The following RFC1 variants were observed in gnomAD, a reference collection of about 807,000 sequenced individuals.
RFC1 encodes A1 140 kDa subunit.
RFC1 carries 37 observed loss-of-function variants against 137.4 expected under a neutral mutation model. That is an observed-to-expected ratio of 0.27 (90% CI 0.21 to 0.35). RFC1 has a LOEUF of 0.35. RFC1 is among the 10% of genes least tolerant of loss of function. The pLI is 1.00. For synonymous variants in RFC1, 429 were observed against 455.7 expected (o/e 0.94, Z 0.75); for missense variants, 1,205 against 1,358.5 (o/e 0.89, Z 1.78).
At chr4:39,337,236 T>C (rs1740397832) in intron 4 of RFC1, among the ~76,000 whole-genome samples, 1 of 152,158 alleles carries the variant, frequency 6.6e-6, no homozygotes, top group South Asian at 2.1e-4. Context: ...TAGCCAGGCA[T>C]GGCGGTGCAC....
intron 10 of RFC1, among the ~76,000 whole-genome samples, chr4:39,313,200 A>T (rs1739054459): frequency 1.3e-5 from 2 of 152,204 alleles, no homozygotes; most frequent in African/African-American, 4.8e-5. Context: ...AAAATTACCC[A>T]TTCATACTAT....
At chr4:39,300,542 G>A (rs780112127) in intron 19 of RFC1, 128 bp from the exon 20 acceptor site, 12 of 687,928 alleles carry the variant, frequency 1.7e-5, no homozygotes, top group African/African-American at 9.0e-5. Context: ...AAACTGTACC[G>A]TTTGGTAGTT....
At chr4:39,347,147 T>C (rs147882979) in intron 2 of RFC1, among the ~76,000 whole-genome samples, 2 of 152,256 alleles carry the variant, frequency 1.3e-5, no homozygotes, top group Non-Finnish European at 2.9e-5. Flanking sequence ...TGAACCTGAC[T>C]GAACCACAAG....
Position 39,342,198 on chromosome 4 carries a change from A to G in RFC1, c.331+147T>C, listed in dbSNP as rs961993754. On this transcript the variant is annotated intron_variant, in intron 4 of 24. Coordinates refer to ENST00000349703, the MANE Select transcript of RFC1 (RefSeq NM_002913.5). Reference sequence around the variant, plus strand: ...TAATCTACTGGAAATGCAAAAGATGATCCCAGCCTTCCCTGACAAATATAA... The same window carrying G: ...TAATCTACTGGAAATGCAAAAGATGGTCCCAGCCTTCCCTGACAAATATAA... The G allele has an allele frequency of 6.3e-6, 6 of 945,240 alleles. No individual in the cohort carries two copies. The African/African-American group carries it at 8.3e-5, about 13-fold the overall frequency. 58.6% of individuals were successfully genotyped at this position (945,240 alleles called of 1,614,324 possible). A position where few individuals can be genotyped will look rare whatever the true frequency, so the allele number is the denominator to read the frequency against.
intron 5 of RFC1, 128 bp from the exon 6 acceptor site, chr4:39,326,768 T>G (rs1739790567): frequency 3.0e-6 from 2 of 670,108 alleles, no homozygotes; most frequent in East Asian, 5.6e-5. Context: ...ACAGCTGCAA[T>G]GTACACCAGC....
chr4:39,334,020 T>C (rs1456345080), intron 4 of RFC1, among the ~76,000 whole-genome samples: 1 of 152,026 alleles, frequency 6.6e-6, no homozygotes, highest in African/African-American at 2.4e-5. Flanking sequence ...AAGGTACGAG[T>C]AACTCTAGTA....
At chr4:39,326,474 T>G in intron 6 of RFC1, 89 bp downstream of exon 6, 1 of 947,574 alleles carries the variant, frequency 1.1e-6, no homozygotes. Flanking sequence ...TACATGTAAC[T>G]TCCAATGAGG....
Position 39,300,268 on chromosome 4 carries a change from T to C in RFC1, c.2682A>G (p.Val894=). 1.9e-6 allele frequency: 3 copies of C among 1,614,180 alleles called. No homozygotes were observed. The highest frequency in any genetic ancestry group is 2.5e-6 in the Non-Finnish European group (3 of 1,180,014). The change falls in exon 20 of 25, where the codon GTA becomes GTG. Residue 894 remains valine (V), a synonymous_variant. Transcript: ENST00000349703. ...VQENYIHVKP[V]AAGGDMKKHL... is the part of the protein sequence containing the mutation. ...CAGCTCTGGACACTCACCCTGCTGCTACAGGCTTCACGTGTATGTAATTTT... is the reference window on the plus strand; with the variant it reads ...CAGCTCTGGACACTCACCCTGCTGCCACAGGCTTCACGTGTATGTAATTTT...
intron 9 of RFC1, among the ~76,000 whole-genome samples, chr4:39,317,664 A>G (rs1739308325): frequency 6.6e-6 from 1 of 152,214 alleles, no homozygotes; most frequent in African/African-American, 2.4e-5. Context: ...GCATCCCTAG[A>G]TCCACCTCCA....
chr4:39,300,087 T>C lies in RFC1; in HGVS notation c.2742A>G (p.Ile914Met). The part of the protein sequence containing the change: ...LMLLSRAADS[I>M]CDGDLVDSQI... ...GGCTGTCCACTAGGTCACCATCGCA[T>C]ATGCTGTCTGCTGCTCTGCTTAAAA... The change falls in exon 21 of 25, where the codon ATA becomes ATG. Residue 914 changes from isoleucine (I) to methionine (M), a missense_variant. Physicochemically the swap from Ile to Met is conservative, Grantham distance 10. This residue lies in a region of RFC1 where 237 missense variants were observed against 304.2 expected (regional missense o/e 0.78). Coordinates refer to ENST00000349703, the MANE Select transcript of RFC1 (RefSeq NM_002913.5). The C allele has an allele frequency of 6.2e-7, 1 of 1,614,202 alleles. No homozygotes were observed. The highest frequency in any genetic ancestry group is 8.5e-7 in the Non-Finnish European group (1 of 1,180,022).
intron 10 of RFC1, among the ~76,000 whole-genome samples, chr4:39,315,842 GTA>G (rs1290391894): frequency 6.6e-6 from 1 of 152,178 alleles, no homozygotes; most frequent in Non-Finnish European, 1.5e-5. Context: ...TGATCTCTGT[GTA>G]GCTATTTCTG....
intron 19 of RFC1, among the ~76,000 whole-genome samples, chr4:39,301,489 T>C (rs1738359033): frequency 1.3e-5 from 2 of 152,074 alleles, no homozygotes. Context: ...TATACCACTG[T>C]GGTGGGGGAT....
chr4:39,348,424 A>AAAAAGAAGAG (rs1740977315), intron 2 of RFC1, among the ~76,000 whole-genome samples: 1 of 71,780 alleles, frequency 1.4e-5, no homozygotes, highest in Non-Finnish European at 3.0e-5. Flanking sequence ...CTCTGTTTCA[A>AAAAAGAAGAG]AAAAGAAAAG....
At chr4:39,322,820 A>G (rs1739586078) in intron 7 of RFC1, among the ~76,000 whole-genome samples, 1 of 151,758 alleles carries the variant, frequency 6.6e-6, no homozygotes, top group Non-Finnish European at 1.5e-5. Context: ...ATGGTAGCTC[A>G]CATCTATAAT....
intron 4 of RFC1, among the ~76,000 whole-genome samples, chr4:39,335,075 T>G (rs3821988): frequency 0.32 from 48,755 of 152,130 alleles, 8,034 homozygotes; most frequent in Non-Finnish European, 0.35. Context: ...TCTGTGATTT[T>G]ATTTTCTTTG....
At chr4:39,317,647 A>C (rs763122950) in intron 9 of RFC1, among the ~76,000 whole-genome samples, 1 of 152,228 alleles carries the variant, frequency 6.6e-6, no homozygotes, top group East Asian at 1.9e-4. Flanking sequence ...GAAACTTTTC[A>C]AACTATGCAT....
At chr4:39,353,977 T>A (rs1329213928) in intron 1 of RFC1, among the ~76,000 whole-genome samples, 1 of 152,220 alleles carries the variant, frequency 6.6e-6, no homozygotes, top group Non-Finnish European at 1.5e-5. Context: ...AACACTGATC[T>A]GTCTGGTTTT....
chr4:39,331,304 T>A (rs756659515), intron 4 of RFC1, among the ~76,000 whole-genome samples: 1 of 152,216 alleles, frequency 6.6e-6, no homozygotes, highest in Non-Finnish European at 1.5e-5. Flanking sequence ...AAATTGTCTC[T>A]GAAATGATGG....
intron 1 of RFC1, among the ~76,000 whole-genome samples, chr4:39,353,815 G>A (rs537132199): frequency 2.6e-5 from 4 of 152,282 alleles, no homozygotes; most frequent in African/African-American, 2.4e-5. Flanking sequence ...AAGACAGAGT[G>A]ATAGTGCATG....
Sources: gnomAD v4.1 joint callset for allele counts (sites outside exome capture counted in the v4.1 genomes callset) on GRCh38, gnomAD v4.1.1 for gene constraint, gnomAD v4.1.1 regional missense constraint, MANE v1.5 for transcripts, NCBI Gene and HGNC (gene_info 2026-07-23, HGNC 2026-07-21) for gene names.